The following SNTG2 variants were observed in gnomAD, a reference collection of about 807,000 sequenced individuals.
SNTG2 encodes syntrophin gamma 2.
Under a neutral mutation model 70.9 loss-of-function variants are expected in SNTG2, and 74 were observed. The ratio of observed to expected loss-of-function variants is 1.04; its 90% CI spans 0.86 to 1.27. The LOEUF is 1.27. Among genes scored for constraint, SNTG2 ranks in the 50% most tolerant of loss-of-function variants. SNTG2 has a pLI of 0.00. For synonymous variants in SNTG2, 278 were observed against 273.8 expected, an observed-to-expected ratio of 1.02 and a Z score of -0.15; for missense variants, 717 against 690.7, an observed-to-expected ratio of 1.04 and a Z score of -0.43.
At chr2:1,230,182 T>C (rs74839690) in intron 9 of SNTG2, among the ~76,000 whole-genome samples, 4,670 of 152,352 alleles carry the variant, frequency 0.031, 100 homozygotes, top group Middle Eastern at 0.092. Context: ...AGCATTGTTT[T>C]AATGATGAAG....
At chr2:1,046,534 C>T (rs1328151401) in intron 1 of SNTG2, among the ~76,000 whole-genome samples, 1 of 152,104 alleles carries the variant, frequency 6.6e-6, no homozygotes, top group Non-Finnish European at 1.5e-5. Flanking sequence ...TTAAGGACCT[C>T]TTGTAAAGTA....
chr2:1,081,646 C>T (rs568362114), intron 1 of SNTG2, among the ~76,000 whole-genome samples: 1 of 152,254 alleles, frequency 6.6e-6, no homozygotes, highest in Non-Finnish European at 1.5e-5. Context: ...CCTCCACAGG[C>T]ACTGCCCCTT....
intron 1 of SNTG2, among the ~76,000 whole-genome samples, chr2:1,007,487 A>G (rs1659606643): frequency 6.6e-6 from 1 of 152,204 alleles, no homozygotes; most frequent in Non-Finnish European, 1.5e-5. Context: ...TAAAAATGGC[A>G]TTAATTATAT....
intron 9 of SNTG2, among the ~76,000 whole-genome samples, chr2:1,209,882 ATTTTT>A (rs58063831): frequency 6.6e-6 from 1 of 151,872 alleles, no homozygotes; most frequent in Admixed American, 6.6e-5. Context: ...CAGCAAAGGA[ATTTTT>A]TTTAATTGAG....
intron 16 of SNTG2, among the ~76,000 whole-genome samples, chr2:1,335,940 C>T (rs1344738119): frequency 6.6e-6 from 1 of 152,114 alleles, no homozygotes; most frequent in Non-Finnish European, 1.5e-5. Flanking sequence ...GTTTACGTCA[C>T]CAGATCAAAC....
rs1426237733 is a variant in SNTG2 at position 1,308,503 on chromosome 2, T to C, written c.1294T>C (p.Tyr432His). ...MEVQRTGSRT[Y>H]MCSWQGEMLC... Reference sequence around the variant, plus strand: ...TGATACTTTTTTCTAGTCCAGAACATACATGTGCAGCTGGCAAGGAGAGAT... The same window carrying C: ...TGATACTTTTTTCTAGTCCAGAACACACATGTGCAGCTGGCAAGGAGAGAT... Residue 432 changes from tyrosine to histidine, a missense_variant, in exon 15 of 17, where the codon TAC becomes CAC. Transcript: ENST00000308624. The C allele has an allele frequency of 2.6e-6, 4 of 1,551,612 alleles. No homozygotes were observed. In the East Asian group the frequency reaches 7.3e-5, roughly 28 times the overall value.
chr2:970,415 C>T (rs1660699153), intron 1 of SNTG2, among the ~76,000 whole-genome samples: 1 of 131,572 alleles, frequency 7.6e-6, no homozygotes, highest in Non-Finnish European at 1.6e-5. Context: ...CTATCCCTCC[C>T]CCCTCCCCCC....
chr2:1,091,692 A>G (rs1270234973), intron 2 of SNTG2, among the ~76,000 whole-genome samples: 1 of 152,198 alleles, frequency 6.6e-6, no homozygotes, highest in Non-Finnish European at 1.5e-5. Context: ...GCCAGATCCA[A>G]CTCCTCAAGA....
At chr2:1,234,896 C>G (rs1480476220) in intron 9 of SNTG2, among the ~76,000 whole-genome samples, 1 of 152,230 alleles carries the variant, frequency 6.6e-6, no homozygotes, top group Non-Finnish European at 1.5e-5. Flanking sequence ...CGAGGATGAC[C>G]ACAGTACTGA....
intron 9 of SNTG2, among the ~76,000 whole-genome samples, chr2:1,222,003 CTCTCTCTG>C (rs1675080465): frequency 1.3e-5 from 1 of 78,974 alleles, no homozygotes; most frequent in Non-Finnish European, 2.8e-5. Flanking sequence ...CTGTCTCTGT[CTCTCTCTG>C]TCTCTCTCTG....
intron 14 of SNTG2, among the ~76,000 whole-genome samples, chr2:1,276,820 A>G (rs1405248910): frequency 6.6e-6 from 1 of 152,224 alleles, no homozygotes; most frequent in African/African-American, 2.4e-5. Flanking sequence ...CATTAGAAAC[A>G]TTTGTGACTC....
chr2:1,119,555 T>TTTG (rs1362029356), intron 4 of SNTG2, among the ~76,000 whole-genome samples: 1 of 150,082 alleles, frequency 6.7e-6, no homozygotes, highest in Non-Finnish European at 1.5e-5. Flanking sequence ...AAGGCTCGTT[T>TTTG]TTTTTTTTTT....
At chr2:1,278,335 C>T (rs1170501513) in intron 14 of SNTG2, among the ~76,000 whole-genome samples, 2 of 151,850 alleles carry the variant, frequency 1.3e-5, no homozygotes, top group African/African-American at 2.4e-5. Context: ...ATGGAGGGTA[C>T]GAGGTGCTAA....
chr2:963,444 G>A (rs1468079505), intron 1 of SNTG2, among the ~76,000 whole-genome samples: 1 of 152,106 alleles, frequency 6.6e-6, no homozygotes, highest in Non-Finnish European at 1.5e-5. Flanking sequence ...AGGAAGGCGA[G>A]CAAGTCAGTT....
intron 16 of SNTG2, among the ~76,000 whole-genome samples, chr2:1,356,034 G>GT (rs1307227920): frequency 2.6e-5 from 4 of 152,118 alleles, no homozygotes; most frequent in Non-Finnish European, 4.4e-5. Context: ...TGAAAATCAG[G>GT]TTTTTTGTTT....
intron 8 of SNTG2, among the ~76,000 whole-genome samples, chr2:1,208,291 GTGTGAGGC>G: frequency 1.3e-5 from 1 of 75,776 alleles, no homozygotes; most frequent in African/African-American, 4.7e-5. Flanking sequence ...ACACCTGTGA[GTGTGAGGC>G]ACATCTGTGT....
At chr2:1,025,771 C>T (rs979077151) in intron 1 of SNTG2, among the ~76,000 whole-genome samples, 1 of 152,208 alleles carries the variant, frequency 6.6e-6, no homozygotes, top group Non-Finnish European at 1.5e-5. Flanking sequence ...TCTCACAAGC[C>T]TGAGTCTCAT....
chr2:1,270,916 G>A (rs1332280385), intron 14 of SNTG2, among the ~76,000 whole-genome samples: 1 of 152,164 alleles, frequency 6.6e-6, no homozygotes, highest in Non-Finnish European at 1.5e-5. Flanking sequence ...TGATTAGCGT[G>A]TTCATTCCTT....
chr2:1,003,826 A>T (rs1659483836), intron 1 of SNTG2, among the ~76,000 whole-genome samples: 1 of 152,202 alleles, frequency 6.6e-6, no homozygotes, highest in African/African-American at 2.4e-5. Context: ...GATTACACTT[A>T]TGTAACATTG....
Sources: allele counts gnomAD v4.1 joint callset (sites outside exome capture counted in the v4.1 genomes callset), GRCh38; gene constraint gnomAD v4.1.1; transcripts MANE v1.5; gene names NCBI Gene and HGNC (gene_info 2026-07-23, HGNC 2026-07-21).